TRAK2: variants seen among roughly 807,000 people sequenced by gnomAD.
TRAK2 encodes trafficking kinesin protein 2.
A neutral mutation model predicts 104.6 loss-of-function variants in TRAK2; 81 were observed. That is an observed-to-expected ratio of 0.77 (90% CI 0.65 to 0.93). TRAK2 has a LOEUF of 0.93. Ranked by LOEUF, TRAK2 falls within the 40% of genes least tolerant of loss-of-function variation. The pLI is 0.00. For missense variants in TRAK2, 1,002 were observed against 1,089.0 expected (o/e 0.92, Z 1.12); for synonymous variants, 406 against 394.4 (o/e 1.03, Z -0.35).
At chr2:201,388,126 T>C (rs562646359) in intron 12 of TRAK2, 125 bp from the exon 13 acceptor site, 2 of 1,028,046 alleles carry the variant, frequency 1.9e-6, no homozygotes, top group African/African-American at 1.6e-5. Flanking sequence ...CCTAGATACC[T>C]GGAATATAGA....
chr2:201,386,830 A>G (rs1215116029), intron 13 of TRAK2, among the ~76,000 whole-genome samples: 1 of 152,194 alleles, frequency 6.6e-6, no homozygotes, highest in Non-Finnish European at 1.5e-5. Flanking sequence ...CAAAAAAGTC[A>G]ATACTTCTCT....
intron 2 of TRAK2, chr2:201,411,803 A>G (rs1430027346): frequency 3.7e-6 from 3 of 814,422 alleles, no homozygotes; most frequent in Non-Finnish European, 6.6e-6. Flanking sequence ...ACACTAATGA[A>G]TTTACAGGAA....
At chr2:201,440,727 T>A (rs1249905785) in intron 1 of TRAK2, among the ~76,000 whole-genome samples, 1 of 152,266 alleles carries the variant, frequency 6.6e-6, no homozygotes, top group Non-Finnish European at 1.5e-5. Flanking sequence ...AACCCATTTA[T>A]GCCTACTGTT....
At chr2:201,398,124 T>C (rs757704153) in intron 6 of TRAK2, 21 bp downstream of exon 6, 2 of 1,608,828 alleles carry the variant, frequency 1.2e-6, no homozygotes, top group South Asian at 2.2e-5. Context: ...TAAAGGAAAA[T>C]GGCAATTAGG....
chr2:201,430,007 G>T (rs1951827543), intron 1 of TRAK2, among the ~76,000 whole-genome samples: 1 of 152,140 alleles, frequency 6.6e-6, no homozygotes. Context: ...ATGGGGTTTT[G>T]GTGTGGATGA....
chr2:201,377,501 G>A lies in TRAK2; in HGVS notation c.*3042C>T, dbSNP rs1327924782. On this transcript the variant is annotated 3_prime_UTR_variant, in exon 16 of 16. Transcript: ENST00000332624. Reference sequence around the variant, plus strand: ...GCCCTAGTTCTAGATGTCACAAGTTGATGTTAGTAACCACCAAGTACTAAT... The same window carrying A: ...GCCCTAGTTCTAGATGTCACAAGTTAATGTTAGTAACCACCAAGTACTAAT... 1 of 152,294 alleles carries A rather than the reference G, an allele frequency of 6.6e-6. No homozygotes were observed. Among genetic ancestry groups the A allele is most frequent in the Non-Finnish European group, 1.5e-5 (1 of 68,046 alleles). The allele number at this position is 152,294 out of a possible 1,614,324, so 9.4% of individuals were successfully genotyped here. A position where few individuals can be genotyped will look rare whatever the true frequency, so the allele number is the denominator to read the frequency against.
chr2:201,377,597 T>C lies in TRAK2; in HGVS notation c.*2946A>G, dbSNP rs898648145. ...GTAAAATTATACCCTTTATAGGGAA[T>C]AGGCTCTTGTAAGCTGCCTTTTAAC... On this transcript the variant is annotated 3_prime_UTR_variant, in exon 16 of 16. Transcript: ENST00000332624. 6.6e-6 allele frequency: 1 copy of C among 152,670 alleles called. No homozygotes were observed. The highest frequency in any genetic ancestry group is 2.1e-4 in the South Asian group (1 of 4,834). 9.5% of individuals were successfully genotyped at this position (152,670 alleles called of 1,614,324 possible).
chr2:201,389,510 A>G lies in TRAK2; in HGVS notation c.1194-7T>C. The G allele has an allele frequency of 6.2e-7, 1 of 1,613,540 alleles. No homozygotes were observed. The highest frequency in any genetic ancestry group is 8.5e-7 in the Non-Finnish European group (1 of 1,179,884). On this transcript the variant is annotated splice_polypyrimidine_tract_variant and splice_region_variant and intron_variant, in intron 11 of 15. Coordinates refer to ENST00000332624, the MANE Select transcript of TRAK2 (RefSeq NM_015049.3). ...TACCCGCTTCTGTTGGGCTCTGTCA[A>G]AAAAGGAAGTGTTCGTTATTATCAC...
At chr2:201,409,201 A>G (rs1020914170) in intron 2 of TRAK2, among the ~76,000 whole-genome samples, 1 of 152,138 alleles carries the variant, frequency 6.6e-6, no homozygotes, top group Non-Finnish European at 1.5e-5. Flanking sequence ...TATGAATTAA[A>G]TGAGACAAAT....
chr2:201,394,747 A>C, intron 9 of TRAK2, 51 bp downstream of exon 9: 1 of 1,381,580 alleles, frequency 7.2e-7, no homozygotes, highest in South Asian at 1.2e-5. Context: ...AGATGAAAGA[A>C]ACTAGTCACT....
At chr2:201,395,017 T>G in intron 8 of TRAK2, 145 bp from the exon 9 acceptor site, 1 of 724,472 alleles carries the variant, frequency 1.4e-6, no homozygotes, top group South Asian at 2.0e-5. Context: ...CTAAATAAGA[T>G]AGGCATTCGA....
intron 13 of TRAK2, 24 bp downstream of exon 13, chr2:201,387,679 T>C: frequency 6.5e-7 from 1 of 1,548,330 alleles, no homozygotes; most frequent in Non-Finnish European, 8.7e-7. Context: ...CATGGCTTAG[T>C]AAGGGCCCTT....
chr2:201,384,867 T>C (rs935341646), intron 14 of TRAK2, among the ~76,000 whole-genome samples: 6 of 152,336 alleles, frequency 3.9e-5, no homozygotes, highest in African/African-American at 1.4e-4. Flanking sequence ...ATGGGAAGGA[T>C]GTATTAAGCA....
At position 201,379,517 on chromosome 2, in the gene TRAK2, T is replaced by A. The variant is rs972017105; in HGVS notation, c.*1026A>T. 4 of 152,622 alleles carry A rather than the reference T, an allele frequency of 2.6e-5. No homozygotes were observed. Among genetic ancestry groups the A allele is most frequent in the African/African-American group, 9.6e-5 (4 of 41,452 alleles). The allele number at this position is 152,622 out of a possible 1,614,324, so 9.5% of individuals were successfully genotyped here. On this transcript the variant is annotated 3_prime_UTR_variant, in exon 16 of 16. Coordinates refer to ENST00000332624, the MANE Select transcript of TRAK2 (RefSeq NM_015049.3). ...AGAATTTTTGTGCAAATACATGTCA[T>A]CTTTCATTAAAAATATGCATAGCGC...
At chr2:201,381,276 A>G (rs1951342709) in intron 15 of TRAK2, 58 bp from the exon 16 acceptor site, 2 of 1,469,488 alleles carry the variant, frequency 1.4e-6, no homozygotes, top group Non-Finnish European at 1.8e-6. Context: ...GCAAGCTCCA[A>G]GCTGGCATTT....
intron 3 of TRAK2, among the ~76,000 whole-genome samples, chr2:201,402,598 G>A (rs1162518102): frequency 1.3e-5 from 2 of 152,072 alleles, no homozygotes; most frequent in Non-Finnish European, 2.9e-5. Context: ...AGACTTTTGG[G>A]CCTAAGGAAT....
chr2:201,381,125 A>G lies in TRAK2; in HGVS notation c.2163T>C (p.Ile721=), dbSNP rs762706995. Residue 721 remains isoleucine (I), a synonymous_variant, in exon 16 of 16, where the codon ATT becomes ATC. Transcript: ENST00000332624. The part of the protein sequence containing the change: ...NSPALSYRLS[I]GESITNRRDS... ...CTCGTCGGTTGGTGATGGACTCACC[A>G]ATGCTGAGTCTATAGGACAAGGCAG... is the stretch of plus-strand genomic sequence containing the variant. 1.2e-6 allele frequency: 2 copies of G among 1,613,952 alleles called. No individual in the cohort carries two copies. The highest frequency in any genetic ancestry group is 1.7e-6 in the Non-Finnish European group (2 of 1,179,862).
intron 2 of TRAK2, among the ~76,000 whole-genome samples, chr2:201,410,108 T>C (rs1465240901): frequency 6.6e-6 from 1 of 152,120 alleles, no homozygotes; most frequent in African/African-American, 2.4e-5. Context: ...CCATCCTGGC[T>C]AACACGGTGA....
At chr2:201,411,488 T>C in intron 2 of TRAK2, 3 of 744,276 alleles carry the variant, frequency 4.0e-6, no homozygotes, top group Non-Finnish European at 7.6e-6. Flanking sequence ...GTTCTTGCAT[T>C]ATATGAAGTT....
Sources: gnomAD v4.1 joint callset for allele counts (sites outside exome capture counted in the v4.1 genomes callset) on GRCh38, gnomAD v4.1.1 for gene constraint, MANE v1.5 for transcripts, NCBI Gene and HGNC (gene_info 2026-07-23, HGNC 2026-07-21) for gene names.